Variants in DCLK2 observed in about 807,000 individuals in gnomAD.
DCLK2 encodes serine/threonine-protein kinase DCLK2.
Under a neutral mutation model 78.4 loss-of-function variants are expected in DCLK2, and 31 were observed. The ratio of observed to expected loss-of-function variants is 0.40; its 90% CI spans 0.30 to 0.53. DCLK2 has a LOEUF of 0.53. Ranked by LOEUF, DCLK2 falls within the 20% of genes least tolerant of loss-of-function variation. The pLI, the probability that DCLK2 is intolerant of heterozygous loss-of-function variation, is 0.61. For synonymous variants in DCLK2, 407 were observed against 374.9 expected (o/e 1.09, Z -0.99); for missense variants, 872 against 973.7 (o/e 0.90, Z 1.39).
At chr4:150,229,754 C>T (rs1741899691) in intron 8 of DCLK2, among the ~76,000 whole-genome samples, 1 of 152,038 alleles carries the variant, frequency 6.6e-6, no homozygotes. Flanking sequence ...GGAACACTGC[C>T]ATGAAATGAT....
At chr4:150,230,283 G>T (rs1741941643) in intron 8 of DCLK2, among the ~76,000 whole-genome samples, 1 of 152,142 alleles carries the variant, frequency 6.6e-6, no homozygotes, top group Admixed American at 6.5e-5. Context: ...TATTGAAAAA[G>T]ATAATAACTT....
Position 150,187,293 on chromosome 4 carries a change from A to C in DCLK2, c.757-5845A>C, listed in dbSNP as rs573289895. Among the ~76,000 whole-genome samples the C allele has an allele frequency of 1.2e-4, 19 of 152,124 alleles. 1 individual carries two copies. The South Asian group carries it at 3.1e-3, about 25-fold the overall frequency. On this transcript the variant is annotated intron_variant, in intron 2 of 15. Transcript: ENST00000296550. ...CAGTCTTCCTGCCTTGGCCTCCCAA[A>C]GCACTGGGATTAAAGACATGAGCCA...
chr4:150,117,600 C>G (rs1008396433), intron 2 of DCLK2, among the ~76,000 whole-genome samples: 2 of 152,168 alleles, frequency 1.3e-5, no homozygotes, highest in African/African-American at 2.4e-5. Flanking sequence ...TCTGCAAGGT[C>G]CCCTGTGAGG....
At chr4:150,167,588 G>T (rs549304849) in intron 2 of DCLK2, among the ~76,000 whole-genome samples, 2 of 152,342 alleles carry the variant, frequency 1.3e-5, no homozygotes, top group African/African-American at 4.8e-5. Context: ...GACAGGAACT[G>T]TTACAGTAGG....
chr4:150,243,265 T>C (rs987430131), intron 12 of DCLK2, among the ~76,000 whole-genome samples: 18 of 152,336 alleles, frequency 1.2e-4, no homozygotes, highest in African/African-American at 4.3e-4. Context: ...CTGCTGCCCT[T>C]ATATGCTGCC....
chr4:150,246,869 A>G (rs1449808025), intron 12 of DCLK2, among the ~76,000 whole-genome samples: 1 of 152,124 alleles, frequency 6.6e-6, no homozygotes, highest in Non-Finnish European at 1.5e-5. Flanking sequence ...TGAGCTGCTG[A>G]CATGGGTTTG....
intron 2 of DCLK2, among the ~76,000 whole-genome samples, chr4:150,140,286 G>T (rs957859240): frequency 6.6e-6 from 1 of 152,136 alleles, no homozygotes; most frequent in East Asian, 1.9e-4. Flanking sequence ...TTCTACTGAA[G>T]AAATTATCTA....
Position 150,149,335 on chromosome 4 carries a change from T to G in DCLK2, c.757-43803T>G, listed in dbSNP as rs373790575. ...TCTCAATTTATATAATTAAATAATG[T>G]TGTCAGGCACAACTGGTGTAAACAG... is the stretch of plus-strand genomic sequence containing the variant. On this transcript the variant is annotated intron_variant, in intron 2 of 15. Transcript: ENST00000296550. Among the ~76,000 whole-genome samples the G allele has an allele frequency of 3.3e-5, 5 of 152,320 alleles. No individual in the cohort carries two copies. The East Asian group carries it at 5.8e-4, about 18-fold the overall frequency.
intron 5 of DCLK2, among the ~76,000 whole-genome samples, chr4:150,215,167 T>G (rs1050492660): frequency 2.0e-5 from 3 of 152,172 alleles, no homozygotes; most frequent in Non-Finnish European, 4.4e-5. Flanking sequence ...TATTCTGCTC[T>G]GACACCAAAA....
At chr4:150,194,679 A>G (rs1738734547) in intron 3 of DCLK2, among the ~76,000 whole-genome samples, 1 of 152,134 alleles carries the variant, frequency 6.6e-6, no homozygotes, top group Admixed American at 6.5e-5. Context: ...CACATTTCAG[A>G]GGAGAGGGAT....
At chr4:150,173,556 T>C (rs943792065) in intron 2 of DCLK2, among the ~76,000 whole-genome samples, 1 of 152,190 alleles carries the variant, frequency 6.6e-6, no homozygotes, top group Non-Finnish European at 1.5e-5. Flanking sequence ...TCACCTCCTT[T>C]GAAGTGCTGA....
At chr4:150,098,081 C>A (rs1730592476) in intron 1 of DCLK2, among the ~76,000 whole-genome samples, 1 of 152,052 alleles carries the variant, frequency 6.6e-6, no homozygotes, top group African/African-American at 2.4e-5. Context: ...TGGGCTCTGG[C>A]TGATTAATAT....
chr4:150,187,998 G>A (rs905146977), intron 2 of DCLK2, among the ~76,000 whole-genome samples: 2 of 152,056 alleles, frequency 1.3e-5, no homozygotes, highest in African/African-American at 2.4e-5. Context: ...ACGGGGTTTC[G>A]CCATGTTGGC....
chr4:150,212,949 A>G (rs1344370279), intron 5 of DCLK2, among the ~76,000 whole-genome samples: 2 of 152,216 alleles, frequency 1.3e-5, no homozygotes, highest in Non-Finnish European at 2.9e-5. Flanking sequence ...TAGTTATAAC[A>G]GAAGAGGCAG....
chr4:150,198,923 C>A, intron 4 of DCLK2: 2 of 477,804 alleles, frequency 4.2e-6, no homozygotes, highest in Admixed American at 2.9e-5. Context: ...CCCCCCCCCA[C>A]TTTCTGTAGG....
At chr4:150,175,011 A>AAAAGATATATAT in intron 2 of DCLK2, among the ~76,000 whole-genome samples, 1 of 9,976 alleles carries the variant, frequency 1.0e-4, no homozygotes, top group South Asian at 2.6e-3. Context: ...AAAAAAAAAA[A>AAAAGATATATAT]ATATATATAT....
chr4:150,193,547 C>T (rs2126377929), intron 3 of DCLK2, among the ~76,000 whole-genome samples: 1 of 152,312 alleles, frequency 6.6e-6, no homozygotes, highest in East Asian at 1.9e-4. Context: ...TGAGATGTTC[C>T]ATGCCTTCCT....
chr4:150,234,830 G>A (rs942763820), intron 10 of DCLK2, among the ~76,000 whole-genome samples: 2 of 151,956 alleles, frequency 1.3e-5, no homozygotes, highest in Non-Finnish European at 2.9e-5. Context: ...TGTAAACCGA[G>A]CCTCAGGAGG....
chr4:150,111,944 T>G (rs915050948), intron 2 of DCLK2, among the ~76,000 whole-genome samples: 1 of 152,206 alleles, frequency 6.6e-6, no homozygotes, highest in Admixed American at 6.5e-5. Context: ...GCTTTGGCTA[T>G]CTTGGCTCTT....
Sources: allele counts gnomAD v4.1 joint callset (sites outside exome capture counted in the v4.1 genomes callset), GRCh38; gene constraint gnomAD v4.1.1; transcripts MANE v1.5; gene names NCBI Gene and HGNC (gene_info 2026-07-23, HGNC 2026-07-21).